Variants in ARID1B observed in about 807,000 individuals in gnomAD.
The protein encoded by ARID1B is AT-rich interaction domain 1B.
ARID1B carries 30 observed loss-of-function variants against 212.3 expected under a neutral mutation model. The ratio of observed to expected loss-of-function variants is 0.14; its 90% CI spans 0.11 to 0.19. The LOEUF (loss-of-function observed/expected upper bound fraction) is 0.19. ARID1B is among the 10% of genes least tolerant of loss of function. ARID1B has a pLI of 1.00. For missense variants in ARID1B, 2,891 were observed against 3,204.0 expected (o/e 0.90, Z 2.36); for synonymous variants, 1,402 against 1,301.7 (o/e 1.08, Z -1.66).
chr6:156,798,542 G>C (rs939204141), intron 1 of ARID1B, among the ~76,000 whole-genome samples: 1 of 152,250 alleles, frequency 6.6e-6, no homozygotes, highest in Admixed American at 6.5e-5. Flanking sequence ...TGCTGCCCTC[G>C]CTCCTTGTTG....
At chr6:156,838,709 T>TGTAATA (rs138619741) in intron 2 of ARID1B, among the ~76,000 whole-genome samples, 45 of 145,862 alleles carry the variant, frequency 3.1e-4, no homozygotes, top group South Asian at 1.1e-3. Context: ...GAACTTAAAG[T>TGTAATA]ATAATAATAA....
At chr6:156,921,298 A>G (rs1790763498) in intron 3 of ARID1B, among the ~76,000 whole-genome samples, 1 of 152,110 alleles carries the variant, frequency 6.6e-6, no homozygotes, top group Non-Finnish European at 1.5e-5. Flanking sequence ...GGGTAAATAA[A>G]TAAATTTTAT....
chr6:157,082,117 A>G (rs117611901), intron 4 of ARID1B, among the ~76,000 whole-genome samples: 4,037 of 152,160 alleles, frequency 0.027, 83 homozygotes, highest in Non-Finnish European at 0.043. Context: ...GTCACTCAGT[A>G]TTTTTCAGGG....
intron 5 of ARID1B, among the ~76,000 whole-genome samples, chr6:157,103,831 CTTTT>C (rs869280492): frequency 3.4e-5 from 4 of 118,356 alleles, no homozygotes; most frequent in Admixed American, 9.2e-5. Context: ...ATATTAACAA[CTTTT>C]TTTTTTTTTT....
At chr6:156,888,985 C>T (rs1038543729) in intron 2 of ARID1B, among the ~76,000 whole-genome samples, 1 of 152,130 alleles carries the variant, frequency 6.6e-6, no homozygotes, top group African/African-American at 2.4e-5. Context: ...GTGAGTGTGG[C>T]TCTTTTTACT....
At chr6:156,808,953 T>A (rs1781373715) in intron 1 of ARID1B, among the ~76,000 whole-genome samples, 1 of 152,174 alleles carries the variant, frequency 6.6e-6, no homozygotes, top group African/African-American at 2.4e-5. Context: ...TGACTCTAAT[T>A]AAAGTTAATC....
At chr6:156,840,814 C>G (rs1210636241) in intron 2 of ARID1B, among the ~76,000 whole-genome samples, 1 of 152,196 alleles carries the variant, frequency 6.6e-6, no homozygotes, top group Non-Finnish European at 1.5e-5. Context: ...GTTTCTTCCT[C>G]TCTGATTCTA....
intron 7 of ARID1B, among the ~76,000 whole-genome samples, chr6:157,142,432 C>G (rs998761720): frequency 6.6e-6 from 1 of 152,100 alleles, no homozygotes. Flanking sequence ...TTGAGACTAG[C>G]CCGGGCAACA....
At chr6:156,800,629 G>T (rs983198065) in intron 1 of ARID1B, among the ~76,000 whole-genome samples, 23 of 152,066 alleles carry the variant, frequency 1.5e-4, no homozygotes, top group African/African-American at 5.6e-4. Context: ...AAATTAGGCT[G>T]GGCATGGTGG....
intron 1 of ARID1B, among the ~76,000 whole-genome samples, chr6:156,783,333 TAA>T (rs66552722): frequency 9.7e-5 from 14 of 144,990 alleles, no homozygotes; most frequent in Admixed American, 6.2e-4. Flanking sequence ...TTCTGATATT[TAA>T]AAAAAAAAAA....
intron 2 of ARID1B, among the ~76,000 whole-genome samples, chr6:156,847,363 T>G (rs753058033): frequency 6.6e-6 from 1 of 152,180 alleles, no homozygotes; most frequent in Non-Finnish European, 1.5e-5. Context: ...TTGTTTAGAT[T>G]CGCCAGGAAA....
At chr6:157,077,933 G>C (rs1307218529) in intron 4 of ARID1B, among the ~76,000 whole-genome samples, 3 of 152,040 alleles carry the variant, frequency 2.0e-5, no homozygotes, top group Non-Finnish European at 2.9e-5. Flanking sequence ...ACATTATTCA[G>C]TATCTCACTT....
At chr6:157,127,800 A>AG (rs1788241518) in intron 6 of ARID1B, among the ~76,000 whole-genome samples, 1 of 149,652 alleles carries the variant, frequency 6.7e-6, no homozygotes, top group African/African-American at 2.5e-5. Context: ...AAAAAAAAAA[A>AG]AAAAAACAAA....
chr6:156,789,402 A>G (rs367910382), intron 1 of ARID1B, among the ~76,000 whole-genome samples: 14 of 152,384 alleles, frequency 9.2e-5, no homozygotes, highest in Admixed American at 4.6e-4. Flanking sequence ...TAATGTGGGC[A>G]GAAGGCACAT....
chr6:157,039,646 TTTCCTTCCTTCCTTCCTTCCTTCC>T (rs1273287334), intron 4 of ARID1B, among the ~76,000 whole-genome samples: 9 of 59,316 alleles, frequency 1.5e-4, no homozygotes, highest in African/African-American at 2.1e-4. Flanking sequence ...TCCTTCCTTC[TTTCCTTCCTTCCTTCCTTCCTTCC>T]TTCCTTCCTT....
intron 5 of ARID1B, among the ~76,000 whole-genome samples, chr6:157,095,541 TG>T (rs1254680156): frequency 6.6e-6 from 1 of 152,196 alleles, no homozygotes; most frequent in African/African-American, 2.4e-5. Flanking sequence ...CAGTGCTCCA[TG>T]GGCGTGCCTG....
At chr6:157,159,937 ATTC>A (rs1379652582) in intron 8 of ARID1B, among the ~76,000 whole-genome samples, 2 of 152,258 alleles carry the variant, frequency 1.3e-5, no homozygotes, top group East Asian at 1.9e-4. Flanking sequence ...GCAAAACAAT[ATTC>A]TTCTTTGCCC....
At position 156,918,794 on chromosome 6, in the gene ARID1B, C is replaced by T. The variant is rs147830239; in HGVS notation, c.2137-16672C>T. On this transcript the variant is annotated intron_variant, in intron 3 of 19. Transcript: ENST00000636930. ...CACAGAGGTGGGGTTAGATAGGCTG[C>T]AGGAGCCACCAGCCTGCCTGCGCTC... is the stretch of plus-strand genomic sequence containing the variant. 3.1e-3 allele frequency among the ~76,000 whole-genome samples: 469 copies of T among 152,210 alleles called. 4 individuals are homozygous for T. Among genetic ancestry groups the T allele is most frequent in the African/African-American group, 0.011 (450 of 41,528 alleles).
intron 7 of ARID1B, among the ~76,000 whole-genome samples, chr6:157,138,257 A>T (rs960773796): frequency 6.9e-6 from 1 of 145,226 alleles, no homozygotes; most frequent in East Asian, 1.9e-4. Context: ...GGTTGTTGAG[A>T]CAGAGTCTCA....
Sources: gnomAD v4.1 joint callset for allele counts (sites outside exome capture counted in the v4.1 genomes callset) on GRCh38, gnomAD v4.1.1 for gene constraint, MANE v1.5 for transcripts, NCBI Gene and HGNC (gene_info 2026-07-23, HGNC 2026-07-21) for gene names.